Variants in SH3GL2 observed in about 807,000 individuals in gnomAD.
SH3GL2 encodes the protein endophilin-A1.
Under a neutral mutation model 46.0 loss-of-function variants are expected in SH3GL2, and 24 were observed. The observed-to-expected ratio is 0.52, with a 90% CI of 0.38 to 0.73. SH3GL2 has a LOEUF of 0.73. SH3GL2 is among the 30% of genes least tolerant of loss of function. The pLI is 0.00. For synonymous variants in SH3GL2, 196 were observed against 147.1 expected, an observed-to-expected ratio of 1.33 and a Z score of -2.40; for missense variants, 413 against 424.2, an observed-to-expected ratio of 0.97 and a Z score of 0.23.
At chr9:17,662,703 C>CTTTT (rs559842403) in intron 1 of SH3GL2, among the ~76,000 whole-genome samples, 13 of 96,942 alleles carry the variant, frequency 1.3e-4, no homozygotes, top group Non-Finnish European at 2.1e-4. Context: ...TTGGCCAAGT[C>CTTTT]TTTTTTTTTT....
intron 1 of SH3GL2, among the ~76,000 whole-genome samples, chr9:17,709,692 C>CACAA (rs965020446): frequency 6.7e-6 from 1 of 148,858 alleles, no homozygotes; most frequent in African/African-American, 2.6e-5. Flanking sequence ...CACACACACA[C>CACAA]ACACACACAC....
rs116355270 is a variant in SH3GL2, at chr9:17,726,471, G to A, written c.46-20595G>A. Among the ~76,000 whole-genome samples, 549 of 152,218 alleles carry A rather than the reference G, an allele frequency of 3.6e-3. 6 individuals are homozygous for A. The highest frequency in any genetic ancestry group is 0.011 in the African/African-American group (445 of 41,546). ...AGTGATGCAAACAGTGTGGACTTTG[G>A]GCACTGTAGGGCTTTGCTGGCTGTG... On this transcript the variant is annotated intron_variant, in intron 1 of 8. Coordinates refer to ENST00000380607, the MANE Select transcript of SH3GL2 (RefSeq NM_003026.5).
At chr9:17,645,033 A>G (rs998411118) in intron 1 of SH3GL2, among the ~76,000 whole-genome samples, 1 of 151,686 alleles carries the variant, frequency 6.6e-6, no homozygotes, top group Non-Finnish European at 1.5e-5. Context: ...TATATTTAGG[A>G]TAGTTAGCTC....
chr9:17,703,748 C>T (rs1312734463), intron 1 of SH3GL2, among the ~76,000 whole-genome samples: 1 of 152,034 alleles, frequency 6.6e-6, no homozygotes, highest in Non-Finnish European at 1.5e-5. Flanking sequence ...TAATACAATT[C>T]AGCATCCGTT....
chr9:17,721,292 G>A (rs1050452887), intron 1 of SH3GL2, among the ~76,000 whole-genome samples: 3 of 152,054 alleles, frequency 2.0e-5, no homozygotes, highest in South Asian at 4.1e-4. Flanking sequence ...GATTACAAAA[G>A]TAATATGTAT....
intron 7 of SH3GL2, among the ~76,000 whole-genome samples, chr9:17,792,534 C>T (rs913223443): frequency 5.3e-5 from 8 of 152,132 alleles, no homozygotes; most frequent in African/African-American, 1.7e-4. Context: ...AATTATTAGC[C>T]ATACCTTTCC....
At chr9:17,723,114 G>A (rs1349700501) in intron 1 of SH3GL2, among the ~76,000 whole-genome samples, 1 of 152,074 alleles carries the variant, frequency 6.6e-6, no homozygotes, top group East Asian at 1.9e-4. Context: ...CAAGCTTATT[G>A]CATTGGTGTA....
intron 1 of SH3GL2, among the ~76,000 whole-genome samples, chr9:17,635,560 A>T (rs1819524443): frequency 6.6e-6 from 1 of 152,190 alleles, no homozygotes; most frequent in Non-Finnish European, 1.5e-5. Context: ...TTTAATTCAG[A>T]GTTAAGTGCC....
intron 1 of SH3GL2, among the ~76,000 whole-genome samples, chr9:17,646,053 T>C (rs552170192): frequency 2.0e-5 from 3 of 152,190 alleles, no homozygotes; most frequent in Middle Eastern, 6.8e-3. Flanking sequence ...CCATATTTCT[T>C]GGAGGCTTCA....
At chr9:17,626,938 A>T (rs1476207810) in intron 1 of SH3GL2, among the ~76,000 whole-genome samples, 1 of 152,040 alleles carries the variant, frequency 6.6e-6, no homozygotes, top group Admixed American at 6.6e-5. Flanking sequence ...CCCCTCCCCC[A>T]TTACTGGTTC....
intron 1 of SH3GL2, among the ~76,000 whole-genome samples, chr9:17,660,334 G>C (rs1820181769): frequency 6.6e-6 from 1 of 152,144 alleles, no homozygotes. Context: ...TGTGTCTGTG[G>C]ACCTCTTTGG....
intron 1 of SH3GL2, among the ~76,000 whole-genome samples, chr9:17,716,379 T>C (rs1409529845): frequency 6.6e-6 from 1 of 152,166 alleles, no homozygotes; most frequent in Non-Finnish European, 1.5e-5. Flanking sequence ...CTTTTGGGTC[T>C]TGCTTTTAAT....
intron 2 of SH3GL2, among the ~76,000 whole-genome samples, chr9:17,751,588 C>G (rs1178353022): frequency 6.6e-6 from 1 of 152,094 alleles, no homozygotes; most frequent in Non-Finnish European, 1.5e-5. Context: ...TTGGAACACA[C>G]ACTGACCTGC....
rs185620514 is a variant in SH3GL2, at chr9:17,743,975, A to T, written c.46-3091A>T. Reference sequence around the variant, plus strand: ...TTAAATATCACAGGTCACAGGTCACATGAAGGGGTCTATCTATAATGATTC... The same window carrying T: ...TTAAATATCACAGGTCACAGGTCACTTGAAGGGGTCTATCTATAATGATTC... On this transcript the variant is annotated intron_variant, in intron 1 of 8. Transcript: ENST00000380607. Among the ~76,000 whole-genome samples the T allele has an allele frequency of 2.6e-5, 4 of 152,318 alleles. No individual in the cohort carries two copies. In the East Asian group the frequency reaches 7.7e-4, roughly 29 times the overall value.
At chr9:17,687,810 T>C (rs1820962103) in intron 1 of SH3GL2, among the ~76,000 whole-genome samples, 1 of 152,012 alleles carries the variant, frequency 6.6e-6, no homozygotes, top group Admixed American at 6.6e-5. Flanking sequence ...CAAGGCAGTA[T>C]GGGGAAAGGG....
intron 1 of SH3GL2, among the ~76,000 whole-genome samples, chr9:17,684,802 C>T (rs1302296827): frequency 6.6e-6 from 1 of 152,100 alleles, no homozygotes; most frequent in Non-Finnish European, 1.5e-5. Context: ...ACAGAATAAA[C>T]TGTCAACCCA....
chr9:17,756,417 C>T (rs1163840906), intron 2 of SH3GL2, among the ~76,000 whole-genome samples: 1 of 151,546 alleles, frequency 6.6e-6, no homozygotes, highest in Non-Finnish European at 1.5e-5. Context: ...TGTTGGTGTG[C>T]TGCACCCATT....
intron 7 of SH3GL2, 57 bp from the exon 8 acceptor site, chr9:17,793,310 T>G: frequency 6.7e-7 from 1 of 1,492,838 alleles, no homozygotes; most frequent in Non-Finnish European, 9.2e-7. Flanking sequence ...TATTTGCTTT[T>G]CATTTTACTT....
intron 3 of SH3GL2, 85 bp downstream of exon 3, chr9:17,761,594 T>C: frequency 1.1e-6 from 1 of 910,650 alleles, no homozygotes; most frequent in Middle Eastern, 2.1e-4. Context: ...TTGGTGTGTT[T>C]CTTCTTTTGG....
Sources: gnomAD v4.1 joint callset for allele counts (sites outside exome capture counted in the v4.1 genomes callset) on GRCh38, gnomAD v4.1.1 for gene constraint, MANE v1.5 for transcripts, NCBI Gene and HGNC (gene_info 2026-07-23, HGNC 2026-07-21) for gene names.